Variants in RBFOX1 observed in about 807,000 individuals in gnomAD.
RBFOX1 encodes the protein RNA binding protein fox-1 homolog 1.
A neutral mutation model predicts 57.7 loss-of-function variants in RBFOX1; 8 were observed. That is an observed-to-expected ratio of 0.14 (90% CI 0.08 to 0.25). The LOEUF is 0.25. Among genes scored for constraint, RBFOX1 ranks in the 10% least tolerant of loss-of-function variants. RBFOX1 has a pLI of 1.00. For missense variants in RBFOX1, 611 were observed against 548.5 expected (o/e 1.11, Z -1.14); for synonymous variants, 326 against 222.4 (o/e 1.47, Z -4.15).
At chr16:6,086,532 A>C (rs1199055417) in intron 1 of RBFOX1, among the ~76,000 whole-genome samples, 1 of 152,210 alleles carries the variant, frequency 6.6e-6, no homozygotes, top group Admixed American at 6.5e-5. Context: ...GCTTAAACAT[A>C]AACCAGCAGT....
intron 5 of RBFOX1, among the ~76,000 whole-genome samples, chr16:7,553,737 C>T (rs1470747325): frequency 6.6e-6 from 1 of 152,212 alleles, no homozygotes; most frequent in Non-Finnish European, 1.5e-5. Flanking sequence ...AGTTAGCTGA[C>T]TCAGTCCATA....
intron 2 of RBFOX1, among the ~76,000 whole-genome samples, chr16:6,347,654 AC>A (rs2085607270): frequency 6.6e-6 from 1 of 152,200 alleles, no homozygotes; most frequent in Admixed American, 6.5e-5. Flanking sequence ...GCAAGGAGAA[AC>A]AAAATGTCCC....
chr16:7,220,635 T>G (rs1299276379), intron 4 of RBFOX1, among the ~76,000 whole-genome samples: 1 of 152,196 alleles, frequency 6.6e-6, no homozygotes, highest in Non-Finnish European at 1.5e-5. Context: ...GAGGACTTGT[T>G]ACCTGGACTT....
chr16:5,249,281 CT>C (rs1413881296), intron 1 of RBFOX1, among the ~76,000 whole-genome samples: 1 of 152,184 alleles, frequency 6.6e-6, no homozygotes, highest in Non-Finnish European at 1.5e-5. Context: ...GTTTCCTTGG[CT>C]TCGTGTCCCC....
intron 4 of RBFOX1, among the ~76,000 whole-genome samples, chr16:7,404,164 T>G (rs1411896483): frequency 6.6e-6 from 1 of 151,898 alleles, no homozygotes; most frequent in Non-Finnish European, 1.5e-5. Flanking sequence ...GCGATTCTCC[T>G]GCCTCAGCCT....
intron 2 of RBFOX1, among the ~76,000 whole-genome samples, chr16:6,547,534 G>C (rs1282741907): frequency 6.6e-6 from 1 of 151,982 alleles, no homozygotes; most frequent in Non-Finnish European, 1.5e-5. Flanking sequence ...TGTTGTTATT[G>C]AGATATTCAT....
chr16:6,737,010 C>T (rs948056208), intron 3 of RBFOX1, among the ~76,000 whole-genome samples: 8 of 152,186 alleles, frequency 5.3e-5, no homozygotes, highest in African/African-American at 1.4e-4. Flanking sequence ...CGGGAACCGT[C>T]TGAAAAGAGG....
At chr16:7,169,718 T>A (rs1444000548) in intron 4 of RBFOX1, among the ~76,000 whole-genome samples, 1 of 152,226 alleles carries the variant, frequency 6.6e-6, no homozygotes, top group African/African-American at 2.4e-5. Flanking sequence ...TTGCATATGA[T>A]GATACAGAGC....
At chr16:7,025,046 G>T (rs1020870362) in intron 3 of RBFOX1, among the ~76,000 whole-genome samples, 1 of 152,090 alleles carries the variant, frequency 6.6e-6, no homozygotes, top group South Asian at 2.1e-4. Flanking sequence ...CAGATCTCCC[G>T]CAAGACAAGA....
intron 1 of RBFOX1, among the ~76,000 whole-genome samples, chr16:6,158,213 T>C (rs939171616): frequency 1.2e-4 from 18 of 152,216 alleles, no homozygotes; most frequent in African/African-American, 3.9e-4. Context: ...TGCTTGCAAC[T>C]GTCCGGCGGG....
rs191507782 is a variant in RBFOX1, at chr16:6,970,329, G to A, written c.-15-81728G>A. Among the ~76,000 whole-genome samples the A allele has an allele frequency of 2.6e-5, 4 of 152,166 alleles. No individual in the cohort carries two copies. The South Asian group carries it at 8.3e-4, about 32-fold the overall frequency. ...CTATTTCTGTCCTTTCATTTTCTCA[G>A]TATAGTGGTTTGACACTTAGGTTTG... On this transcript the variant is annotated intron_variant, in intron 3 of 15. Coordinates refer to ENST00000550418, the MANE Select transcript of RBFOX1 (RefSeq NM_018723.4).
intron 2 of RBFOX1, among the ~76,000 whole-genome samples, chr16:6,370,213 C>T (rs1448294287): frequency 6.6e-6 from 1 of 151,606 alleles, no homozygotes; most frequent in Admixed American, 6.6e-5. Context: ...AAAAAATTAG[C>T]TGGGCGGGGT....
chr16:6,615,863 C>T (rs1031676917), intron 2 of RBFOX1, among the ~76,000 whole-genome samples: 5 of 152,180 alleles, frequency 3.3e-5, no homozygotes, highest in Non-Finnish European at 4.4e-5. Flanking sequence ...CGTGGAACTG[C>T]GTTTCCTTGC....
intron 3 of RBFOX1, among the ~76,000 whole-genome samples, chr16:5,708,727 C>G (rs916553647): frequency 2.6e-5 from 4 of 152,100 alleles, no homozygotes; most frequent in African/African-American, 9.7e-5. Context: ...CCGGCTTGGG[C>G]AATAAAAATC....
intron 1 of RBFOX1, chr16:5,467,196 C>CTTT: frequency 4.7e-6 from 5 of 1,057,608 alleles, no homozygotes; most frequent in East Asian, 3.4e-5. Context: ...CTCTCTCTCT[C>CTTT]TTTTTTTTTT....
chr16:5,407,297 A>C (rs1357656770), intron 1 of RBFOX1, among the ~76,000 whole-genome samples: 1 of 152,128 alleles, frequency 6.6e-6, no homozygotes, highest in African/African-American at 2.4e-5. Context: ...ATTACAATTC[A>C]AGATGAGATT....
rs148113368 is a variant in RBFOX1, at chr16:7,145,170, T to C, written c.27+93072T>C. On this transcript the variant is annotated intron_variant, in intron 4 of 15. Coordinates refer to ENST00000550418, the MANE Select transcript of RBFOX1 (RefSeq NM_018723.4). The stretch of plus-strand genomic sequence containing the variant: ...CAGGGGGTACCATCCCAATCATTTC[T>C]TTACCCCCTACCCTTTTTTGTTTCG... Among the ~76,000 whole-genome samples the C allele has an allele frequency of 5.9e-5, 9 of 152,266 alleles. No individual in the cohort carries two copies. In the East Asian group the frequency reaches 1.7e-3, roughly 29 times the overall value.
rs568312795 is a variant in RBFOX1 at position 5,696,753 on chromosome 16, G to C, written c.318+97792G>C. On this transcript the variant is annotated intron_variant, in intron 3 of 19. Coordinates refer to the RBFOX1 transcript ENST00000641259. Reference sequence around the variant, plus strand: ...TATTGCCTTCCCATCTATGAATACAGTATGTCTTACCATTTTTGAAGACTT... The same window carrying C: ...TATTGCCTTCCCATCTATGAATACACTATGTCTTACCATTTTTGAAGACTT... Among the ~76,000 whole-genome samples the C allele has an allele frequency of 2.0e-5, 3 of 152,222 alleles. No homozygotes were observed. In the South Asian group the frequency reaches 6.2e-4, roughly 32 times the overall value.
chr16:7,449,227 C>T (rs183527681), intron 4 of RBFOX1, among the ~76,000 whole-genome samples: 2 of 152,122 alleles, frequency 1.3e-5, no homozygotes, highest in Admixed American at 1.3e-4. Flanking sequence ...CCATGCCCAG[C>T]CTGACATTTT....
Sources: allele counts gnomAD v4.1 joint callset (sites outside exome capture counted in the v4.1 genomes callset), GRCh38; gene constraint gnomAD v4.1.1; transcripts MANE v1.5; gene names NCBI Gene and HGNC (gene_info 2026-07-23, HGNC 2026-07-21).